Variants in HHLA2 observed in about 807,000 individuals in gnomAD.
HHLA2 encodes HERV-H LTR-associating protein 2.
In HHLA2, 48 loss-of-function variants were observed where a neutral mutation model predicts 45.9. That is an observed-to-expected ratio of 1.05 (90% confidence interval 0.83 to 1.33). The LOEUF (loss-of-function observed/expected upper bound fraction) is 1.33, where lower values mean the gene tolerates loss of function less well. Ranked by LOEUF, HHLA2 falls within the 40% of genes most tolerant of loss-of-function variation. The pLI, the probability that HHLA2 is intolerant of heterozygous loss-of-function variation, is 0.00. For missense variants in HHLA2, 462 were observed against 494.3 expected, an observed-to-expected ratio of 0.93 and a Z score of 0.62; for synonymous variants, 161 against 173.9, an observed-to-expected ratio of 0.93 and a Z score of 0.59.
At chr3:108,345,025 T>A (rs2081638024) in intron 3 of HHLA2, among the ~76,000 whole-genome samples, 1 of 152,204 alleles carries the variant, frequency 6.6e-6, no homozygotes, top group African/African-American at 2.4e-5. Context: ...AAGTGCTTCA[T>A]CCTGGGCTCT....
exon 10 of HHLA2, chr3:108,376,499 G>C: frequency 6.2e-7 from 1 of 1,603,026 alleles, no homozygotes; most frequent in South Asian, 1.1e-5. Context: ...GTAGAAAGAT[G>C]TTGTGTCCCT....
intron 2 of HHLA2, among the ~76,000 whole-genome samples, chr3:108,327,602 A>G (rs1324228222): frequency 2.0e-5 from 3 of 152,070 alleles, no homozygotes; most frequent in Non-Finnish European, 2.9e-5. Flanking sequence ...TATTGTTGCT[A>G]ATTTCACTTA....
At chr3:108,326,531 A>G (rs1172195750) in intron 2 of HHLA2, 3 of 152,210 alleles carry the variant, frequency 2.0e-5, no homozygotes, top group African/African-American at 7.2e-5. Flanking sequence ...AACATGTAGG[A>G]ATTATGGGAG....
chr3:108,307,532 G>A (rs924574090), intron 1 of HHLA2, among the ~76,000 whole-genome samples: 1 of 151,974 alleles, frequency 6.6e-6, no homozygotes, highest in Non-Finnish European at 1.5e-5. Flanking sequence ...TACTCGGGAG[G>A]CTGAGGCAGG....
intron 2 of HHLA2, among the ~76,000 whole-genome samples, chr3:108,327,754 C>T (rs577823807): frequency 9.2e-5 from 14 of 152,196 alleles, no homozygotes; most frequent in South Asian, 6.2e-4. Flanking sequence ...GAAGTGCATG[C>T]GAGTTTTATT....
chr3:108,314,546 T>G (rs2081072165), intron 2 of HHLA2, among the ~76,000 whole-genome samples: 1 of 152,184 alleles, frequency 6.6e-6, no homozygotes. Context: ...ACCTTGAGGC[T>G]GGGCCTGGCC....
At position 108,368,535 on chromosome 3, in the gene HHLA2, C is replaced by CAAAAAAAAAAAAAAAAAAAAA. The variant is rs55718572; in HGVS notation, c.1108+6104_1108+6124dup. 4.5e-4 allele frequency among the ~76,000 whole-genome samples: 3 copies of CAAAAAAAAAAAAAAAAAAAAA among 6,622 alleles called. 1 individual carries two copies. The highest frequency in any genetic ancestry group is 2.5e-4 in the Non-Finnish European group (1 of 4,024). 4.3% of individuals were successfully genotyped at this position (6,622 alleles called of 152,430 possible). A position where few individuals can be genotyped will look rare whatever the true frequency, so the allele number is the denominator to read the frequency against. ...GAATATTTACCAAGCAAACGAAGAGCAAAAAAAAAAAAAAAAAAAAAAAAA... is the reference window on the plus strand; with the variant it reads ...GAATATTTACCAAGCAAACGAAGAGCAAAAAAAAAAAAAAAAAAAAAAAAAAAAAAAAAAAAAAAAAAAAAA... On this transcript the variant is annotated intron_variant, in intron 8 of 10. Coordinates refer to ENST00000619531, the Ensembl canonical transcript of HHLA2.
At chr3:108,374,865 C>G (rs1333106832) in intron 8 of HHLA2, among the ~76,000 whole-genome samples, 2 of 145,838 alleles carry the variant, frequency 1.4e-5, no homozygotes, top group African/African-American at 5.1e-5. Context: ...AATAGGAACA[C>G]TTTTACACTG....
intron 1 of HHLA2, among the ~76,000 whole-genome samples, chr3:108,297,600 A>G (rs1247116128): frequency 6.6e-6 from 1 of 152,228 alleles, no homozygotes; most frequent in Non-Finnish European, 1.5e-5. Context: ...TGTTTAATAA[A>G]TATTATTATT....
chr3:108,364,443 G>A (rs2082030439), intron 8 of HHLA2, among the ~76,000 whole-genome samples: 1 of 152,150 alleles, frequency 6.6e-6, no homozygotes, highest in Non-Finnish European at 1.5e-5. Context: ...GCATAGTGCT[G>A]CAATAAACAT....
At chr3:108,351,954 A>G in intron 4 of HHLA2, 77 bp downstream of exon 3, 3 of 936,032 alleles carry the variant, frequency 3.2e-6, no homozygotes, top group East Asian at 2.5e-5. Flanking sequence ...CAAGGTGGCT[A>G]TTTCCTCCAT....
chr3:108,319,416 C>T (rs546525885), intron 2 of HHLA2, among the ~76,000 whole-genome samples: 59 of 152,296 alleles, frequency 3.9e-4, no homozygotes, highest in Non-Finnish European at 8.1e-4. Context: ...TAAGCTTCTT[C>T]TTGCCTTCTT....
intron 2 of HHLA2, among the ~76,000 whole-genome samples, chr3:108,317,562 T>C (rs2081122200): frequency 6.6e-6 from 1 of 150,548 alleles, no homozygotes; most frequent in Admixed American, 6.7e-5. Context: ...CCTAGGATAG[T>C]AGGGAGATTA....
intron 3 of HHLA2, among the ~76,000 whole-genome samples, chr3:108,330,434 G>T (rs1294052189): frequency 1.3e-5 from 2 of 152,126 alleles, no homozygotes; most frequent in South Asian, 2.1e-4. Context: ...CTTTAATACG[G>T]TTACCTTTCA....
At chr3:108,334,406 T>C (rs899580295) in intron 3 of HHLA2, among the ~76,000 whole-genome samples, 6 of 152,226 alleles carry the variant, frequency 3.9e-5, no homozygotes, top group Non-Finnish European at 7.3e-5. Context: ...TATCTGCATG[T>C]ATATCGTTCA....
intron 1 of HHLA2, 96 bp downstream of exon 1, chr3:108,296,695 C>T (rs1291063857): frequency 2.6e-5 from 4 of 152,084 alleles, no homozygotes; most frequent in Non-Finnish European, 5.9e-5. Context: ...TTTATTTTCC[C>T]GTTAGGAAAA....
In HHLA2 at chr3:108,305,910, G is replaced by A. The variant is rs576765010; in HGVS notation, c.-191-4745G>A. Among the ~76,000 whole-genome samples the A allele has an allele frequency of 5.9e-5, 9 of 152,292 alleles. No homozygotes were observed. The South Asian group carries it at 1.9e-3, about 32-fold the overall frequency. The stretch of plus-strand genomic sequence containing the variant: ...GAAAATGTGGGCTCACATCTGCTGT[G>A]GGGAGTGTGGGTGATTGCAGCCCCA... On this transcript the variant is annotated intron_variant, in intron 1 of 10. Coordinates refer to ENST00000619531, the Ensembl canonical transcript of HHLA2.
intron 2 of HHLA2, chr3:108,328,136 G>GA (rs35443708): frequency 0.051 from 20,404 of 399,722 alleles, no homozygotes; most frequent in East Asian, 0.062. Flanking sequence ...CTGTCTCGAA[G>GA]AAAAAAAAAA....
intron 8 of HHLA2, among the ~76,000 whole-genome samples, chr3:108,368,534 G>GA (rs1560276081): frequency 8.3e-5 from 1 of 12,054 alleles, no homozygotes; most frequent in Non-Finnish European, 1.4e-4. Flanking sequence ...CAAACGAAGA[G>GA]CAAAAAAAAA....
Sources: allele counts gnomAD v4.1 joint callset (sites outside exome capture counted in the v4.1 genomes callset), GRCh38; gene constraint gnomAD v4.1.1; transcripts MANE v1.5; gene names NCBI Gene and HGNC (gene_info 2026-07-23, HGNC 2026-07-21).